The following THSD4 variants were observed in gnomAD, a reference collection of about 807,000 sequenced individuals.
THSD4 encodes the protein thrombospondin type 1 domain containing 4.
In THSD4, 69 loss-of-function variants were observed where a neutral mutation model predicts 119.0. The observed-to-expected ratio is 0.58, with a 90% CI of 0.48 to 0.71. The LOEUF (loss-of-function observed/expected upper bound fraction) is 0.71, where lower values mean the gene tolerates loss of function less well. THSD4 is among the 30% of genes least tolerant of loss of function. The pLI is 0.00. For synonymous variants in THSD4, 524 were observed against 540.4 expected, an observed-to-expected ratio of 0.97 and a Z score of 0.42; for missense variants, 1,393 against 1,391.1, an observed-to-expected ratio of 1.00 and a Z score of -0.02.
In THSD4 at chr15:71,339,770, C is replaced by CT. The variant is rs919155517; in HGVS notation, c.1016-71905dup. ...CAGATAAGTGCTCAGTAAGTTTTAACTTTTTTTTTTTTGAGATGGAGTCTT... is the reference window on the plus strand; with the variant it reads ...CAGATAAGTGCTCAGTAAGTTTTAACTTTTTTTTTTTTTGAGATGGAGTCTT... On this transcript the variant is annotated intron_variant, in intron 6 of 17. Transcript: ENST00000261862. Among the ~76,000 whole-genome samples the CT allele has an allele frequency of 6.3e-3, 930 of 146,684 alleles. 9 individuals are homozygous for CT. The highest frequency in any genetic ancestry group is 0.03 in the South Asian group (138 of 4,616).
intron 4 of THSD4, among the ~76,000 whole-genome samples, chr15:71,217,442 C>T (rs1039599667): frequency 6.6e-6 from 1 of 151,956 alleles, no homozygotes; most frequent in Non-Finnish European, 1.5e-5. Flanking sequence ...CGTGGTGAAA[C>T]CCCATCTGTA....
intron 8 of THSD4, among the ~76,000 whole-genome samples, chr15:71,668,287 G>A (rs2051455297): frequency 6.6e-6 from 1 of 152,172 alleles, no homozygotes; most frequent in African/African-American, 2.4e-5. Context: ...TGGAGTGGGG[G>A]CATCAGTGAG....
chr15:71,331,227 C>T (rs1312284936), intron 6 of THSD4, among the ~76,000 whole-genome samples: 1 of 152,192 alleles, frequency 6.6e-6, no homozygotes, highest in Non-Finnish European at 1.5e-5. Context: ...GGCGGCTGCC[C>T]TTCCTCGTAC....
In THSD4 at chr15:71,105,644, G is replaced by T. The variant is rs185749631; in HGVS notation, c.-80+8638G>T. On this transcript the variant is annotated intron_variant, in intron 1 of 17. Coordinates refer to the THSD4 transcript ENST00000355327. Reference sequence around the variant, plus strand: ...ATTCCAAGGGTTTTAGATTCTCTGTGCCAGGACCACGGACAAAGACCAAAT... The same window carrying T: ...ATTCCAAGGGTTTTAGATTCTCTGTTCCAGGACCACGGACAAAGACCAAAT... Among the ~76,000 whole-genome samples, 468 of 152,272 alleles carry T rather than the reference G, an allele frequency of 3.1e-3. 4 individuals are homozygous for T. Among genetic ancestry groups the T allele is most frequent in the Middle Eastern group, 0.01 (3 of 294 alleles).
At chr15:71,502,910 G>A (rs1043188350) in intron 7 of THSD4, among the ~76,000 whole-genome samples, 7 of 152,290 alleles carry the variant, frequency 4.6e-5, no homozygotes, top group Admixed American at 2.6e-4. Flanking sequence ...GCCAGGTGCC[G>A]CATCAGAGTT....
At chr15:71,608,249 T>TACACACACACAC (rs55892951) in intron 7 of THSD4, among the ~76,000 whole-genome samples, 63 of 106,172 alleles carry the variant, frequency 5.9e-4, no homozygotes, top group Admixed American at 9.3e-4. Flanking sequence ...TATATATATA[T>TACACACACACAC]ACACACACAC....
At chr15:71,193,842 CT>C (rs1246601768) in intron 3 of THSD4, among the ~76,000 whole-genome samples, 5 of 152,110 alleles carry the variant, frequency 3.3e-5, no homozygotes, top group African/African-American at 7.2e-5. Context: ...CTAGTCCCCC[CT>C]GGGACTACAG....
At chr15:71,542,508 G>T (rs1196493210) in intron 7 of THSD4, among the ~76,000 whole-genome samples, 1 of 152,126 alleles carries the variant, frequency 6.6e-6, no homozygotes, top group Non-Finnish European at 1.5e-5. Flanking sequence ...AATGTGATAA[G>T]AAGGGCATTT....
At chr15:71,546,402 A>G (rs578234276) in intron 7 of THSD4, among the ~76,000 whole-genome samples, 1 of 152,308 alleles carries the variant, frequency 6.6e-6, no homozygotes, top group East Asian at 1.9e-4. Context: ...GTGACCATGT[A>G]AAGTGTATCT....
At chr15:71,634,926 A>T (rs2050710698) in intron 7 of THSD4, among the ~76,000 whole-genome samples, 1 of 152,208 alleles carries the variant, frequency 6.6e-6, no homozygotes, top group Non-Finnish European at 1.5e-5. Flanking sequence ...TGAATACTCC[A>T]TCTTAATGGC....
intron 7 of THSD4, among the ~76,000 whole-genome samples, chr15:71,480,155 G>A (rs2140664194): frequency 6.6e-6 from 1 of 152,272 alleles, no homozygotes; most frequent in African/African-American, 2.4e-5. Flanking sequence ...TCCCACCCAA[G>A]CCTCCCAAGT....
chr15:71,424,475 G>C (rs2046845107), intron 7 of THSD4, among the ~76,000 whole-genome samples: 1 of 152,080 alleles, frequency 6.6e-6, no homozygotes, highest in Non-Finnish European at 1.5e-5. Flanking sequence ...CGAAGGGAAA[G>C]GGCAAGTAGA....
At chr15:71,739,319 A>G (rs531176264) in intron 11 of THSD4, among the ~76,000 whole-genome samples, 155 of 152,316 alleles carry the variant, frequency 1.0e-3, no homozygotes, top group Non-Finnish European at 1.9e-3. Context: ...CGGAGGAAGC[A>G]TGGGGCGTCT....
At position 71,141,482 on chromosome 15, in the gene THSD4, G is replaced by A. The variant is rs1260562573; in HGVS notation, c.-46G>A. 2.5e-6 allele frequency: 4 copies of A among 1,571,078 alleles called. No homozygotes were observed. Among genetic ancestry groups the A allele is most frequent in the East Asian group, 4.5e-5 (2 of 44,294 alleles). ...CGCAACTCCCAATTGCAGAAAATTG[G>A]CAACGTCTCTGAAGAGCCCTTGCTT... On this transcript the variant is annotated 5_prime_UTR_variant, in exon 2 of 18. Coordinates refer to ENST00000261862, the MANE Select transcript of THSD4 (RefSeq NM_024817.3).
At chr15:71,121,372 T>C (rs1480300122) in intron 1 of THSD4, among the ~76,000 whole-genome samples, 1 of 152,118 alleles carries the variant, frequency 6.6e-6, no homozygotes, top group African/African-American at 2.4e-5. Context: ...ACTTTTTTTT[T>C]TTTTTCCCCA....
intron 3 of THSD4, among the ~76,000 whole-genome samples, chr15:71,202,453 A>T (rs942100712): frequency 6.6e-6 from 1 of 152,138 alleles, no homozygotes; most frequent in Non-Finnish European, 1.5e-5. Flanking sequence ...AAGAGTGTGA[A>T]TATATGCACC....
At chr15:71,636,316 G>T (rs948760856) in intron 7 of THSD4, among the ~76,000 whole-genome samples, 3 of 152,026 alleles carry the variant, frequency 2.0e-5, no homozygotes, top group South Asian at 2.1e-4. Context: ...CCAGCAACTC[G>T]GGAGGCTGAG....
In THSD4 at chr15:71,747,030, C is replaced by T. The variant is rs747186944; in HGVS notation, c.2229C>T (p.Thr743=). 41 of 1,608,682 alleles carry T rather than the reference C, an allele frequency of 2.5e-5. No individual in the cohort carries two copies. The highest frequency in any genetic ancestry group is 5.5e-5 in the South Asian group (5 of 90,462). The change falls in exon 13 of 18, where the codon ACC becomes ACT. Residue 743 remains threonine (T), a synonymous_variant. Coordinates refer to ENST00000261862, the MANE Select transcript of THSD4 (RefSeq NM_024817.3). ...TCTGCAGCGAGTGGCAGATCCGGAC[C>T]GACTGGACCTCGGTACGCAGGCAGG... The part of the protein sequence containing the change: ...LKICSEWQIR[T]DWTSCSVPCG...
At chr15:71,309,019 G>A (rs1413164270) in intron 6 of THSD4, among the ~76,000 whole-genome samples, 5 of 152,084 alleles carry the variant, frequency 3.3e-5, no homozygotes, top group Non-Finnish European at 5.9e-5. Flanking sequence ...GCACTATCTC[G>A]GCTCACTGCA....
Sources: gnomAD v4.1 joint callset for allele counts (sites outside exome capture counted in the v4.1 genomes callset) on GRCh38, gnomAD v4.1.1 for gene constraint, MANE v1.5 for transcripts, NCBI Gene and HGNC (gene_info 2026-07-23, HGNC 2026-07-21) for gene names.